Variants in MAGI1 observed in about 807,000 individuals in gnomAD.
The protein encoded by MAGI1 is membrane associated guanylate kinase, WW and PDZ domain containing 1.
MAGI1 carries 58 observed loss-of-function variants against 139.9 expected under a neutral mutation model. The ratio of observed to expected loss-of-function variants is 0.41; its 90% CI spans 0.34 to 0.52. MAGI1 has a LOEUF of 0.52. Among genes scored for constraint, MAGI1 ranks in the 20% least tolerant of loss-of-function variants. The pLI is 0.12. For missense variants in MAGI1, 1,874 were observed against 1,901.6 expected, an observed-to-expected ratio of 0.99 and a Z score of 0.27; for synonymous variants, 812 against 737.9, an observed-to-expected ratio of 1.10 and a Z score of -1.63.
intron 1 of MAGI1, among the ~76,000 whole-genome samples, chr3:65,876,956 G>A (rs907576618): frequency 6.6e-6 from 1 of 152,064 alleles, no homozygotes; most frequent in African/African-American, 2.4e-5. Flanking sequence ...TGTTAGCCAG[G>A]ATGGTCTCAA....
intron 2 of MAGI1, among the ~76,000 whole-genome samples, chr3:65,617,900 G>A (rs779733617): frequency 6.6e-5 from 10 of 152,260 alleles, no homozygotes; most frequent in Non-Finnish European, 1.0e-4. Flanking sequence ...TACGCTGCCT[G>A]ACTCATGAAA....
chr3:65,493,470 C>A, intron 3 of MAGI1, 42 bp downstream of exon 3: 2 of 1,613,506 alleles, frequency 1.2e-6, no homozygotes, highest in Non-Finnish European at 1.7e-6. Context: ...CTCTCAAGTA[C>A]CCAGGAGAGA....
intron 1 of MAGI1, among the ~76,000 whole-genome samples, chr3:65,623,642 C>G (rs1315197214): frequency 6.6e-6 from 1 of 152,144 alleles, no homozygotes; most frequent in African/African-American, 2.4e-5. Flanking sequence ...CAAATGGTAA[C>G]TTCCCTATGG....
intron 22 of MAGI1, chr3:65,360,431 T>C (rs1416321504): frequency 3.1e-6 from 3 of 981,416 alleles, no homozygotes; most frequent in East Asian, 2.3e-4. Flanking sequence ...TATTTTGCCA[T>C]CAGAACACTA....
intron 1 of MAGI1, among the ~76,000 whole-genome samples, chr3:65,649,413 A>C (rs915218663): frequency 6.6e-6 from 1 of 152,166 alleles, no homozygotes; most frequent in African/African-American, 2.4e-5. Context: ...AAATGTGTGA[A>C]GTCTTTGGTA....
rs559940348 is a variant in MAGI1, at chr3:65,798,907, C to CCT, written c.314-176821_314-176820dup. Among the ~76,000 whole-genome samples the CCT allele has an allele frequency of 2.5e-4, 38 of 152,184 alleles. No homozygotes were observed. In the East Asian group the frequency reaches 7.0e-3, roughly 28 times the overall value. On this transcript the variant is annotated intron_variant, in intron 1 of 22. Transcript: ENST00000402939. ...AGGACAGCATTTCTACCCCGTATAC[C>CCT]CTCACCACCCATTAATCACATATCG...
chr3:65,400,857 A>T (rs1372328861), intron 13 of MAGI1, among the ~76,000 whole-genome samples: 5 of 146,240 alleles, frequency 3.4e-5, no homozygotes, highest in Non-Finnish European at 5.9e-5. Flanking sequence ...TTCTACAGCA[A>T]GGAAATGTCC....
rs566535033 is a variant in MAGI1, at chr3:65,526,901, GACCTTCA to G, written c.431-33277_431-33271del. Among the ~76,000 whole-genome samples the G allele has an allele frequency of 3.4e-3, 510 of 152,154 alleles. 2 individuals are homozygous for G. The highest frequency in any genetic ancestry group is 5.9e-3 in the Non-Finnish European group (403 of 68,014). The stretch of plus-strand genomic sequence containing the variant: ...ATCAATCATTAACAGTAACTCCTGG[GACCTTCA>G]AAGGCCACCAGCAGGCAGGAGTGAG... On this transcript the variant is annotated intron_variant, in intron 2 of 22. Transcript: ENST00000402939.
chr3:65,408,995 G>GGT (rs1945567899), intron 12 of MAGI1, among the ~76,000 whole-genome samples: 1 of 152,218 alleles, frequency 6.6e-6, no homozygotes, highest in African/African-American at 2.4e-5. Flanking sequence ...AATGACGCAG[G>GGT]ACAATGGAAC....
chr3:65,699,679 A>C (rs1368229438), intron 1 of MAGI1, among the ~76,000 whole-genome samples: 1 of 140,724 alleles, frequency 7.1e-6, no homozygotes, highest in Admixed American at 7.6e-5. Flanking sequence ...TTGAACAATG[A>C]GATCACATGG....
intron 1 of MAGI1, among the ~76,000 whole-genome samples, chr3:65,886,392 C>G (rs1214546909): frequency 1.3e-5 from 2 of 152,130 alleles, no homozygotes; most frequent in East Asian, 3.8e-4. Context: ...TCAAGATTCT[C>G]TTTTTAAAAA....
At chr3:65,782,689 A>C (rs763515893) in intron 1 of MAGI1, among the ~76,000 whole-genome samples, 1 of 151,306 alleles carries the variant, frequency 6.6e-6, no homozygotes, top group African/African-American at 2.4e-5. Context: ...GTATAAACAT[A>C]ATATACTGAA....
chr3:65,471,159 T>C (rs77140455), intron 4 of MAGI1, among the ~76,000 whole-genome samples: 42 of 152,292 alleles, frequency 2.8e-4, no homozygotes, highest in African/African-American at 8.9e-4. Flanking sequence ...GGTGGACTGA[T>C]ATGACTTGAG....
At chr3:65,590,784 T>C (rs2081932763) in intron 2 of MAGI1, among the ~76,000 whole-genome samples, 1 of 152,144 alleles carries the variant, frequency 6.6e-6, no homozygotes, top group Non-Finnish European at 1.5e-5. Context: ...TTCCAGAATC[T>C]AGACAGAGCC....
At chr3:65,966,197 G>A (rs565971838) in intron 1 of MAGI1, among the ~76,000 whole-genome samples, 1 of 152,220 alleles carries the variant, frequency 6.6e-6, no homozygotes, top group Non-Finnish European at 1.5e-5. Context: ...ACCAATGATG[G>A]CACTGCCAAA....
At chr3:65,963,978 T>C (rs1192454778) in intron 1 of MAGI1, among the ~76,000 whole-genome samples, 2 of 152,196 alleles carry the variant, frequency 1.3e-5, no homozygotes, top group Non-Finnish European at 1.5e-5. Flanking sequence ...AAGCCAAGCT[T>C]CCAATGAAGG....
intron 1 of MAGI1, among the ~76,000 whole-genome samples, chr3:65,686,888 A>G (rs926695550): frequency 3.3e-5 from 5 of 152,244 alleles, no homozygotes; most frequent in African/African-American, 1.2e-4. Flanking sequence ...AAGAGTTATC[A>G]TTTTGGAATA....
At chr3:65,692,867 T>C (rs994956122) in intron 1 of MAGI1, among the ~76,000 whole-genome samples, 1 of 152,110 alleles carries the variant, frequency 6.6e-6, no homozygotes, top group Non-Finnish European at 1.5e-5. Flanking sequence ...AAGGTATTCA[T>C]CAAATGGGGT....
At chr3:65,505,455 T>C (rs960671752) in intron 2 of MAGI1, among the ~76,000 whole-genome samples, 2 of 150,828 alleles carry the variant, frequency 1.3e-5, no homozygotes, top group African/African-American at 2.4e-5. Flanking sequence ...GACCAGCCTA[T>C]GCAAATAGTG....
Sources: allele counts gnomAD v4.1 joint callset (sites outside exome capture counted in the v4.1 genomes callset), GRCh38; gene constraint gnomAD v4.1.1; transcripts MANE v1.5; gene names NCBI Gene and HGNC (gene_info 2026-07-23, HGNC 2026-07-21).